Variants in CEP43 observed in about 807,000 individuals in gnomAD.
CEP43 encodes the protein centrosomal protein 43, also known as FGFR1 oncogene partner.
In CEP43, 36 loss-of-function variants were observed where a neutral mutation model predicts 52.6. That is an observed-to-expected ratio of 0.68 (90% CI 0.52 to 0.90). The LOEUF (loss-of-function observed/expected upper bound fraction) is 0.90. Among genes scored for constraint, CEP43 ranks in the 40% least tolerant of loss-of-function variants. CEP43 has a pLI of 0.00. For synonymous variants in CEP43, 192 were observed against 172.4 expected (o/e 1.11, Z -0.89); for missense variants, 506 against 472.8 (o/e 1.07, Z -0.65).
At position 167,052,031 on chromosome 6, in the gene CEP43, A is replaced by G. The variant is rs1780875538; in HGVS notation, c.*12053A>G. On this transcript the variant is annotated 3_prime_UTR_variant, in exon 13 of 13. Transcript: ENST00000366847. ...CTTCTTCTTTGCTTTCTTTTGCATTAAGTATTTTCTAGTTTAACAACTTAA... is the reference window on the plus strand; with the variant it reads ...CTTCTTCTTTGCTTTCTTTTGCATTGAGTATTTTCTAGTTTAACAACTTAA... 1.4e-5 allele frequency: 1 copy of G among 73,110 alleles called. No individual in the cohort carries two copies. The highest frequency in any genetic ancestry group is 3.5e-5 in the African/African-American group (1 of 28,778). 4.5% of individuals were successfully genotyped at this position (73,110 alleles called of 1,614,324 possible). A position where few individuals can be genotyped will look rare whatever the true frequency, so the allele number is the denominator to read the frequency against.
intron 7 of CEP43, among the ~76,000 whole-genome samples, chr6:167,017,918 T>C (rs1420728666): frequency 6.6e-6 from 1 of 152,220 alleles, no homozygotes; most frequent in Non-Finnish European, 1.5e-5. Flanking sequence ...AATGACTTGA[T>C]TTGTTTCCTA....
In CEP43 at chr6:167,050,721, CA is replaced by C. The variant is rs1433152146; in HGVS notation, c.*10744del. 7.1e-6 allele frequency: 1 copy of C among 140,490 alleles called. No individual in the cohort carries two copies. Among genetic ancestry groups the C allele is most frequent in the Admixed American group, 7.9e-5 (1 of 12,736 alleles). 8.7% of individuals were successfully genotyped at this position (140,490 alleles called of 1,614,324 possible). On this transcript the variant is annotated 3_prime_UTR_variant, in exon 13 of 13. Transcript: ENST00000366847. ...GCTTGAACCCTGGAGTCAGAGTTTG[CA>C]GTGAGCTGAGATCATGCCACTGCGC...
At position 167,043,041 on chromosome 6, in the gene CEP43, C is replaced by A. The variant is rs1463764844; in HGVS notation, c.*3063C>A. 6.6e-6 allele frequency: 1 copy of A among 152,382 alleles called. No homozygotes were observed. The highest frequency in any genetic ancestry group is 1.9e-4 in the East Asian group (1 of 5,180). The allele number at this position is 152,382 out of a possible 1,614,324, so 9.4% of individuals were successfully genotyped here. A position where few individuals can be genotyped will look rare whatever the true frequency, so the allele number is the denominator to read the frequency against. On this transcript the variant is annotated 3_prime_UTR_variant, in exon 13 of 13. Transcript: ENST00000366847. ...AGGGGAAAGCTGTCCTTACCCTAAA[C>A]CTGGGGAGGTCCCTAGGTTCAAGTC... is the stretch of plus-strand genomic sequence containing the variant.
chr6:167,027,726 A>G, intron 10 of CEP43: 2 of 297,360 alleles, frequency 6.7e-6, no homozygotes, highest in Non-Finnish European at 1.0e-5. Flanking sequence ...GTTAAGTGGA[A>G]CTAATAACAT....
At chr6:167,030,814 G>A (rs1780452318) in intron 10 of CEP43, among the ~76,000 whole-genome samples, 1 of 151,900 alleles carries the variant, frequency 6.6e-6, no homozygotes, top group African/African-American at 2.4e-5. Context: ...CAGAAGTGAG[G>A]TAGTGCTACC....
intron 1 of CEP43, 189 bp from the exon 2 acceptor site, chr6:166,999,871 C>T: frequency 1.7e-6 from 1 of 578,198 alleles, no homozygotes; most frequent in Non-Finnish European, 3.1e-6. Context: ...GGCGGGAAAG[C>T]AGCGCGTCCA....
rs1003953671 is a variant in CEP43, at chr6:167,041,677, T to G, written c.*1699T>G. On this transcript the variant is annotated 3_prime_UTR_variant, in exon 13 of 13. Transcript: ENST00000366847. Reference sequence around the variant, plus strand: ...TTTGAAAGCATAGCAGGATGTGGCTTTTTAAATTTATGAAACTTTCGAACA... The same window carrying G: ...TTTGAAAGCATAGCAGGATGTGGCTGTTTAAATTTATGAAACTTTCGAACA... The G allele has an allele frequency of 4.8e-6, 5 of 1,043,510 alleles. No homozygotes were observed. The African/African-American group carries it at 6.7e-5, about 14-fold the overall frequency. The allele number at this position is 1,043,510 out of a possible 1,614,324, so 64.6% of individuals were successfully genotyped here.
At chr6:167,030,079 T>C (rs1459272051) in intron 10 of CEP43, among the ~76,000 whole-genome samples, 1 of 152,262 alleles carries the variant, frequency 6.6e-6, no homozygotes, top group Non-Finnish European at 1.5e-5. Flanking sequence ...CTTCAATTGC[T>C]TCAGGCCATC....
At chr6:167,025,754 G>A (rs1285078270) in intron 9 of CEP43, among the ~76,000 whole-genome samples, 7 of 152,112 alleles carry the variant, frequency 4.6e-5, no homozygotes, top group Non-Finnish European at 8.8e-5. Flanking sequence ...CTTTCCCGTG[G>A]TTACTGCCAC....
chr6:167,036,266 A>G lies in CEP43; in HGVS notation c.1125+2295A>G, dbSNP rs560263939. ...GCTGAGGAGGAACATGGTAAGCTCCATGAGAACAGAAGGGAGATCCCGGGA... is the reference window on the plus strand; with the variant it reads ...GCTGAGGAGGAACATGGTAAGCTCCGTGAGAACAGAAGGGAGATCCCGGGA... On this transcript the variant is annotated intron_variant, in intron 12 of 12. Coordinates refer to ENST00000366847, the MANE Select transcript of CEP43 (RefSeq NM_007045.4). 9.9e-5 allele frequency: 98 copies of G among 985,432 alleles called. No individual in the cohort carries two copies. In the African/African-American group the frequency reaches 1.3e-3, roughly 13 times the overall value. 61.0% of individuals were successfully genotyped at this position (985,432 alleles called of 1,614,324 possible).
chr6:167,035,835 G>A (rs1220136646), intron 12 of CEP43, among the ~76,000 whole-genome samples: 1 of 152,154 alleles, frequency 6.6e-6, no homozygotes, highest in African/African-American at 2.4e-5. Context: ...CCAAAGTGCT[G>A]GGATTACAGG....
At chr6:167,037,626 G>C (rs529202044) in intron 12 of CEP43, among the ~76,000 whole-genome samples, 22 of 152,212 alleles carry the variant, frequency 1.4e-4, no homozygotes, top group Non-Finnish European at 3.2e-4. Context: ...TGTTGAAAAG[G>C]ATTTTACTTA....
At position 167,000,122 on chromosome 6, in the gene CEP43, T is replaced by C; in HGVS notation, c.156+9T>C. On this transcript the variant is annotated intron_variant, in intron 2 of 12. Coordinates refer to ENST00000366847, the MANE Select transcript of CEP43 (RefSeq NM_007045.4). ...AGCAAGAAAAAGTAGAGGTATGAAGTTTCCAGATTTTAACATGGCTGTATT... is the reference window on the plus strand; with the variant it reads ...AGCAAGAAAAAGTAGAGGTATGAAGCTTCCAGATTTTAACATGGCTGTATT... 2 of 1,601,668 alleles carry C rather than the reference T, an allele frequency of 1.2e-6. No individual in the cohort carries two copies. The highest frequency in any genetic ancestry group is 1.1e-5 in the South Asian group (1 of 90,032).
At position 167,045,517 on chromosome 6, in the gene CEP43, G is replaced by A. The variant is rs964919663; in HGVS notation, c.*5539G>A. 6.6e-6 allele frequency: 1 copy of A among 152,096 alleles called. No homozygotes were observed. Among genetic ancestry groups the A allele is most frequent in the Non-Finnish European group, 1.5e-5 (1 of 68,070 alleles). 9.4% of individuals were successfully genotyped at this position (152,096 alleles called of 1,614,324 possible). On this transcript the variant is annotated 3_prime_UTR_variant, in exon 13 of 13. Transcript: ENST00000366847. Reference sequence around the variant, plus strand: ...GAGGCCGAGGCAGGCGGATCACGAGGTCAGGAGATCGAGACCATCCTGGCT... The same window carrying A: ...GAGGCCGAGGCAGGCGGATCACGAGATCAGGAGATCGAGACCATCCTGGCT...
chr6:167,047,378 A>G lies in CEP43; in HGVS notation c.*7400A>G, dbSNP rs1430240044. 16 of 152,256 alleles carry G rather than the reference A, an allele frequency of 1.1e-4. No homozygotes were observed. The highest frequency in any genetic ancestry group is 3.6e-4 in the African/African-American group (15 of 41,460). 9.4% of individuals were successfully genotyped at this position (152,256 alleles called of 1,614,324 possible). On this transcript the variant is annotated 3_prime_UTR_variant, in exon 13 of 13. Transcript: ENST00000366847. ...CAGTGGCTAGAAGCCTGGATGGGCA[A>G]CTTGGCTGAGTGATGTTGGGCAAGT...
At chr6:167,037,746 A>G (rs1780612355) in intron 12 of CEP43, among the ~76,000 whole-genome samples, 1 of 152,260 alleles carries the variant, frequency 6.6e-6, no homozygotes, top group South Asian at 2.1e-4. Context: ...AAACTGTTGC[A>G]TCTCTACAAG....
intron 2 of CEP43, among the ~76,000 whole-genome samples, chr6:167,001,422 T>C (rs1346696483): frequency 6.6e-6 from 1 of 152,244 alleles, no homozygotes; most frequent in Non-Finnish European, 1.5e-5. Context: ...TGTGGTTTTT[T>C]TCCTTCACAA....
chr6:167,028,557 T>A, intron 10 of CEP43: 1 of 934,364 alleles, frequency 1.1e-6, no homozygotes. Context: ...GTACTCTAGG[T>A]ATTTTGAGTA....
In CEP43 at chr6:167,051,810, T is replaced by G. The variant is rs1387109625; in HGVS notation, c.*11832T>G. On this transcript the variant is annotated 3_prime_UTR_variant, in exon 13 of 13. Transcript: ENST00000366847. Reference sequence around the variant, plus strand: ...TTACTGTGGCAATTTGTATGATACCTTTTTCTTTTAGCCTATTTATATCTT... The same window carrying G: ...TTACTGTGGCAATTTGTATGATACCGTTTTCTTTTAGCCTATTTATATCTT... 1 of 152,240 alleles carries G rather than the reference T, an allele frequency of 6.6e-6. No individual in the cohort carries two copies. Among genetic ancestry groups the G allele is most frequent in the Non-Finnish European group, 1.5e-5 (1 of 68,036 alleles). 9.4% of individuals were successfully genotyped at this position (152,240 alleles called of 1,614,324 possible).
Sources: gnomAD v4.1 joint callset for allele counts (sites outside exome capture counted in the v4.1 genomes callset) on GRCh38, gnomAD v4.1.1 for gene constraint, MANE v1.5 for transcripts, NCBI Gene and HGNC (gene_info 2026-07-23, HGNC 2026-07-21) for gene names.